The following PARM1 variants were observed in gnomAD, a reference collection of about 807,000 sequenced individuals.
PARM1 encodes prostate androgen-regulated mucin-like protein 1, also known as WSC4, cell wall integrity and stress response component 4 homolog.
PARM1 carries 14 observed loss-of-function variants against 24.6 expected under a neutral mutation model. The ratio of observed to expected loss-of-function variants is 0.57; its 90% CI spans 0.38 to 0.89. The LOEUF is 0.89. PARM1 is among the 40% of genes least tolerant of loss of function. PARM1 has a pLI of 0.00. For synonymous variants in PARM1, 179 were observed against 156.6 expected (o/e 1.14, Z -1.07); for missense variants, 362 against 380.4 (o/e 0.95, Z 0.40).
intron 1 of PARM1, among the ~76,000 whole-genome samples, chr4:74,984,373 G>C (rs1027104914): frequency 1.3e-5 from 2 of 152,174 alleles, no homozygotes; most frequent in African/African-American, 4.8e-5. Flanking sequence ...TATTTGCACA[G>C]TGCTCTGGAA....
intron 1 of PARM1, among the ~76,000 whole-genome samples, chr4:74,971,717 T>G (rs1241374785): frequency 6.6e-6 from 1 of 152,220 alleles, no homozygotes; most frequent in Non-Finnish European, 1.5e-5. Context: ...AGTCTTGCTT[T>G]GCTGAATTGC....
At chr4:74,960,192 G>A (rs1721738635) in intron 1 of PARM1, among the ~76,000 whole-genome samples, 1 of 152,180 alleles carries the variant, frequency 6.6e-6, no homozygotes, top group Admixed American at 6.5e-5. Context: ...ACATATAGGA[G>A]GAAGCCATTG....
chr4:74,977,473 G>A (rs77329073), intron 1 of PARM1, among the ~76,000 whole-genome samples: 1,524 of 152,092 alleles, frequency 0.01, 32 homozygotes, highest in African/African-American at 0.035. Context: ...ATGTAAAAAG[G>A]CTGAACCTAC....
At position 75,021,791 on chromosome 4, in the gene PARM1, C is replaced by T. The variant is rs1386914896; in HGVS notation, c.769+8641C>T. On this transcript the variant is annotated intron_variant, in intron 2 of 3. Coordinates refer to ENST00000307428, the MANE Select transcript of PARM1 (RefSeq NM_015393.4). Reference sequence around the variant, plus strand: ...CATGTTGCCGCAAAGGGCAGGATTTCATTCCTTTTATGGCTGAATAGTATT... The same window carrying T: ...CATGTTGCCGCAAAGGGCAGGATTTTATTCCTTTTATGGCTGAATAGTATT... 7.9e-5 allele frequency among the ~76,000 whole-genome samples: 12 copies of T among 152,216 alleles called. No individual in the cohort carries two copies. The East Asian group carries it at 2.3e-3, about 29-fold the overall frequency.
intron 1 of PARM1, among the ~76,000 whole-genome samples, chr4:74,944,440 AG>A (rs1721369757): frequency 6.6e-6 from 1 of 152,166 alleles, no homozygotes; most frequent in South Asian, 2.1e-4. Flanking sequence ...GACTGTAAAC[AG>A]AGGTGTGGCC....
intron 1 of PARM1, among the ~76,000 whole-genome samples, chr4:74,961,908 T>C (rs1003328792): frequency 2.0e-5 from 3 of 152,156 alleles, no homozygotes; most frequent in African/African-American, 7.2e-5. Flanking sequence ...GGTAAATACA[T>C]GAACAGTTAT....
intron 1 of PARM1, among the ~76,000 whole-genome samples, chr4:74,988,139 A>C (rs906668789): frequency 6.6e-6 from 1 of 152,046 alleles, no homozygotes; most frequent in African/African-American, 2.4e-5. Flanking sequence ...ACTGTTGGAG[A>C]GATGGCTGTG....
chr4:75,032,948 G>C (rs904234143), intron 2 of PARM1, among the ~76,000 whole-genome samples: 1 of 152,162 alleles, frequency 6.6e-6, no homozygotes, highest in African/African-American at 2.4e-5. Context: ...GTTGATTCTT[G>C]CCATTTTTAA....
intron 2 of PARM1, among the ~76,000 whole-genome samples, chr4:75,022,446 C>T (rs903246470): frequency 6.6e-6 from 1 of 152,154 alleles, no homozygotes; most frequent in Non-Finnish European, 1.5e-5. Flanking sequence ...TTGAGATATA[C>T]ATGTCAAGGT....
intron 1 of PARM1, among the ~76,000 whole-genome samples, chr4:74,989,008 A>G (rs1194415661): frequency 6.6e-6 from 1 of 152,194 alleles, no homozygotes; most frequent in Non-Finnish European, 1.5e-5. Flanking sequence ...TAGAAGTCCT[A>G]TAAGCAGTTT....
intron 2 of PARM1, among the ~76,000 whole-genome samples, chr4:75,022,741 G>A (rs543189184): frequency 7.2e-5 from 11 of 152,140 alleles, no homozygotes; most frequent in East Asian, 5.8e-4. Context: ...GACTGAACCC[G>A]TACTCTAATC....
chr4:75,047,914 G>A lies in PARM1; in HGVS notation c.*1667G>A, dbSNP rs957373537. The A allele has an allele frequency of 6.6e-6, 1 of 152,148 alleles. No homozygotes were observed. The highest frequency in any genetic ancestry group is 1.5e-5 in the Non-Finnish European group (1 of 68,032). The allele number at this position is 152,148 out of a possible 1,614,324, so 9.4% of individuals were successfully genotyped here. A position where few individuals can be genotyped will look rare whatever the true frequency, so the allele number is the denominator to read the frequency against. On this transcript the variant is annotated 3_prime_UTR_variant, in exon 4 of 4. Coordinates refer to ENST00000307428, the MANE Select transcript of PARM1 (RefSeq NM_015393.4). ...TTCATGGCGACAACTCTGTCTTCTT[G>A]TAACAGCTGATATTAGCAAGCAGCA...
rs1253061988 is a variant in PARM1, at chr4:74,933,161, C to T, written c.-167C>T. ...AGGGCACGCAGCTGACGGAGCTGCG[C>T]TGCGTTCGCCTCGTTTGCCTCGCGC... On this transcript the variant is annotated 5_prime_UTR_variant, in exon 1 of 4. Coordinates refer to ENST00000307428, the MANE Select transcript of PARM1 (RefSeq NM_015393.4). 1 of 589,220 alleles carries T rather than the reference C, an allele frequency of 1.7e-6. No individual in the cohort carries two copies. The highest frequency in any genetic ancestry group is 3.0e-6 in the Non-Finnish European group (1 of 332,140). The allele number at this position is 589,220 out of a possible 1,614,324, so 36.5% of individuals were successfully genotyped here.
chr4:75,015,609 C>G (rs1428672574), intron 2 of PARM1, among the ~76,000 whole-genome samples: 3 of 152,184 alleles, frequency 2.0e-5, no homozygotes, highest in Admixed American at 2.0e-4. Context: ...GGACACAGGA[C>G]AAGTAACTCT....
At chr4:75,027,220 G>A (rs565229355) in intron 2 of PARM1, among the ~76,000 whole-genome samples, 4 of 152,144 alleles carry the variant, frequency 2.6e-5, no homozygotes, top group South Asian at 4.2e-4. Flanking sequence ...AATGGTTCCC[G>A]GGGCCTGACA....
At chr4:74,999,356 T>C (rs1006084503) in intron 1 of PARM1, among the ~76,000 whole-genome samples, 1 of 152,196 alleles carries the variant, frequency 6.6e-6, no homozygotes, top group African/African-American at 2.4e-5. Flanking sequence ...TCAGCATGCT[T>C]GACAAAACAG....
chr4:74,978,939 C>T (rs2109770697), intron 1 of PARM1, among the ~76,000 whole-genome samples: 1 of 152,256 alleles, frequency 6.6e-6, no homozygotes, highest in African/African-American at 2.4e-5. Context: ...GTACCAGAAT[C>T]TTTGGGATGC....
chr4:74,973,141 G>T (rs544493720), intron 1 of PARM1, among the ~76,000 whole-genome samples: 139 of 152,188 alleles, frequency 9.1e-4, no homozygotes, highest in African/African-American at 3.3e-3. Context: ...TGTCCACACT[G>T]CCTTTAGGAC....
Position 74,973,302 on chromosome 4 carries a change from A to G in PARM1, c.44-39123A>G, listed in dbSNP as rs7657153. Among the ~76,000 whole-genome samples, 1,464 of 152,326 alleles carry G rather than the reference A, an allele frequency of 9.6e-3. 19 individuals carry two copies. The highest frequency in any genetic ancestry group is 0.033 in the African/African-American group (1,380 of 41,566). On this transcript the variant is annotated intron_variant, in intron 1 of 3. Transcript: ENST00000307428. ...TTAGTGAAACCTGTCATCTAAAGAT[A>G]CTGTACAGTACACATGAATATATAA...
Sources: gnomAD v4.1 joint callset for allele counts (sites outside exome capture counted in the v4.1 genomes callset) on GRCh38, gnomAD v4.1.1 for gene constraint, MANE v1.5 for transcripts, NCBI Gene and HGNC (gene_info 2026-07-23, HGNC 2026-07-21) for gene names.